PLEKHA5: variants seen among roughly 807,000 people sequenced by gnomAD.
PLEKHA5 encodes the protein pleckstrin homology domain containing A5.
A neutral mutation model predicts 181.9 loss-of-function variants in PLEKHA5; 55 were observed. The ratio of observed to expected loss-of-function variants is 0.30; its 90% CI spans 0.24 to 0.38. The LOEUF is 0.38. PLEKHA5 is among the 10% of genes least tolerant of loss of function. The probability of loss-of-function intolerance (pLI) is 1.00; values close to 1 mark genes in which losing one functional copy is unlikely to be tolerated. For missense variants in PLEKHA5, 1,432 were observed against 1,549.5 expected (o/e 0.92, Z 1.27); for synonymous variants, 535 against 529.4 (o/e 1.01, Z -0.15).
intron 20 of PLEKHA5, among the ~76,000 whole-genome samples, chr12:19,325,912 C>T (rs917694356): frequency 1.3e-5 from 2 of 151,842 alleles, no homozygotes; most frequent in Non-Finnish European, 2.9e-5. Flanking sequence ...GAGGCTGAGA[C>T]AGGAGAATCG....
intron 3 of PLEKHA5, among the ~76,000 whole-genome samples, chr12:19,177,801 C>T (rs1174561948): frequency 1.3e-5 from 2 of 152,078 alleles, no homozygotes; most frequent in East Asian, 1.9e-4. Flanking sequence ...TTTAATTCTA[C>T]GGATCAGTAA....
At chr12:19,226,587 C>G (rs535469234) in intron 3 of PLEKHA5, among the ~76,000 whole-genome samples, 1 of 152,270 alleles carries the variant, frequency 6.6e-6, no homozygotes, top group African/African-American at 2.4e-5. Context: ...TGAACTGACT[C>G]TTGGACTTCC....
chr12:19,297,651 T>C (rs1314536491), intron 15 of PLEKHA5, among the ~76,000 whole-genome samples: 1 of 140,514 alleles, frequency 7.1e-6, no homozygotes, highest in African/African-American at 2.7e-5. Context: ...AAAAAAAAAA[T>C]ACAGTGCAAG....
intron 16 of PLEKHA5, among the ~76,000 whole-genome samples, chr12:19,317,350 C>A (rs958495261): frequency 1.3e-5 from 2 of 151,590 alleles, no homozygotes; most frequent in East Asian, 3.9e-4. Flanking sequence ...GAATGAGATA[C>A]TATCTCTTTT....
intron 3 of PLEKHA5, 35 bp downstream of exon 3, chr12:19,132,485 A>G: frequency 9.2e-7 from 1 of 1,089,464 alleles, no homozygotes; most frequent in Non-Finnish European, 1.4e-6. Flanking sequence ...TTCCTTCGTA[A>G]TTAGAATGCT....
At chr12:19,319,982 T>C in intron 16 of PLEKHA5, 39 bp from the exon 17 acceptor site, 1 of 1,302,390 alleles carries the variant, frequency 7.7e-7, no homozygotes, top group African/African-American at 1.5e-5. Context: ...ATTTTCCTCT[T>C]TTCAATTAAA....
intron 3 of PLEKHA5, among the ~76,000 whole-genome samples, chr12:19,215,816 G>A (rs550831247): frequency 2.0e-5 from 3 of 152,256 alleles, no homozygotes; most frequent in East Asian, 3.9e-4. Context: ...CTAAATTTGT[G>A]TCTCCAAAGG....
intron 11 of PLEKHA5, among the ~76,000 whole-genome samples, chr12:19,278,469 A>G (rs1286711403): frequency 6.6e-6 from 1 of 152,182 alleles, no homozygotes. Context: ...GATATAGCTC[A>G]GTGCTTAATC....
intron 15 of PLEKHA5, among the ~76,000 whole-genome samples, chr12:19,300,592 A>AT (rs2081203170): frequency 6.6e-6 from 1 of 152,218 alleles, no homozygotes; most frequent in Non-Finnish European, 1.5e-5. Flanking sequence ...TGCAAAGATA[A>AT]GCCATGATGC....
At chr12:19,173,746 T>C (rs746251516) in intron 3 of PLEKHA5, among the ~76,000 whole-genome samples, 11 of 152,218 alleles carry the variant, frequency 7.2e-5, no homozygotes, top group Non-Finnish European at 1.3e-4. Context: ...TGTAATTAAC[T>C]TTATCATTTA....
intron 11 of PLEKHA5, 105 bp from the exon 12 acceptor site, chr12:19,283,175 T>C (rs958621630): frequency 6.9e-6 from 3 of 436,836 alleles, no homozygotes; most frequent in African/African-American, 6.7e-5. Flanking sequence ...AAAAAAAAAT[T>C]CTAATGTATA....
intron 15 of PLEKHA5, among the ~76,000 whole-genome samples, chr12:19,298,741 A>G (rs2080631539): frequency 6.6e-6 from 1 of 152,186 alleles, no homozygotes; most frequent in Non-Finnish European, 1.5e-5. Flanking sequence ...AATTTAAAAA[A>G]AATGGTTCAG....
intron 3 of PLEKHA5, among the ~76,000 whole-genome samples, chr12:19,156,819 TG>T (rs2041832029): frequency 1.3e-5 from 2 of 149,524 alleles, no homozygotes; most frequent in African/African-American, 4.9e-5. Flanking sequence ...CCAGGGCAGG[TG>T]GGTCACTTGA....
In PLEKHA5 at chr12:19,353,226, T is replaced by A. The variant is rs140314901; in HGVS notation, c.3020-658T>A. 4.2e-3 allele frequency among the ~76,000 whole-genome samples: 639 copies of A among 152,328 alleles called. 4 individuals carry two copies. Among genetic ancestry groups the A allele is most frequent in the African/African-American group, 0.014 (597 of 41,580 alleles). The stretch of plus-strand genomic sequence containing the variant: ...TGGAGTGCCGTGGCGCTATCTCAGC[T>A]CACTGCAACCTGCACCTCCTGAGTT... On this transcript the variant is annotated intron_variant, in intron 25 of 31. Transcript: ENST00000429027.
intron 11 of PLEKHA5, among the ~76,000 whole-genome samples, chr12:19,279,522 G>T (rs953541875): frequency 3.9e-5 from 6 of 151,964 alleles, no homozygotes; most frequent in Non-Finnish European, 8.8e-5. Flanking sequence ...AATTAGCTGG[G>T]TGTAGCAGCA....
chr12:19,201,920 T>C, intron 3 of PLEKHA5: 1 of 272,056 alleles, frequency 3.7e-6, no homozygotes, highest in Non-Finnish European at 5.6e-6. Flanking sequence ...TAAAAGTCAC[T>C]GAACTGTACA....
intron 3 of PLEKHA5, among the ~76,000 whole-genome samples, chr12:19,173,678 A>G (rs1389912675): frequency 6.6e-6 from 1 of 152,224 alleles, no homozygotes; most frequent in African/African-American, 2.4e-5. Context: ...TCCAGGGAAC[A>G]GGACAAAGAA....
intron 3 of PLEKHA5, among the ~76,000 whole-genome samples, chr12:19,236,707 ATC>A (rs2061458870): frequency 6.6e-6 from 1 of 152,184 alleles, no homozygotes; most frequent in Non-Finnish European, 1.5e-5. Flanking sequence ...TTAGTGTTTT[ATC>A]CTATGCTATA....
intron 3 of PLEKHA5, among the ~76,000 whole-genome samples, chr12:19,231,406 A>G (rs947810727): frequency 6.6e-6 from 1 of 151,866 alleles, no homozygotes; most frequent in Non-Finnish European, 1.5e-5. Flanking sequence ...GTCACAAACT[A>G]CCATTCACAA....
Sources: gnomAD v4.1 joint callset for allele counts (sites outside exome capture counted in the v4.1 genomes callset) on GRCh38, gnomAD v4.1.1 for gene constraint, MANE v1.5 for transcripts, NCBI Gene and HGNC (gene_info 2026-07-23, HGNC 2026-07-21) for gene names.